FER1L6: variants seen among roughly 807,000 people sequenced by gnomAD.
The protein encoded by FER1L6 is fer-1 like family member 6.
In FER1L6, 177 loss-of-function variants were observed where a neutral mutation model predicts 219.2. The observed-to-expected ratio is 0.81, with a 90% CI of 0.71 to 0.91. FER1L6 has a LOEUF of 0.91. FER1L6 is among the 40% of genes least tolerant of loss of function. The pLI is 0.00. For synonymous variants in FER1L6, 768 were observed against 824.3 expected (o/e 0.93, Z 1.17); for missense variants, 2,153 against 2,259.9 (o/e 0.95, Z 0.96).
intron 39 of FER1L6, among the ~76,000 whole-genome samples, chr8:124,114,379 A>C (rs1823146190): frequency 6.6e-6 from 1 of 152,244 alleles, no homozygotes; most frequent in East Asian, 1.9e-4. Context: ...TTTAACAAAT[A>C]TGTTGTAAGC....
chr8:124,103,279 G>C lies in FER1L6; in HGVS notation c.5259G>C (p.Trp1753Cys). Residue 1753 changes from tryptophan (W) to cysteine (C), a missense_variant, in exon 39 of 41, where the codon TGG becomes TGC. Physicochemically the swap from Trp to Cys is radical, Grantham distance 215. Coordinates refer to ENST00000522917, the MANE Select transcript of FER1L6 (RefSeq NM_001039112.2). ...SIFQQKRVRG[W>C]WPFSKSKELT... Reference sequence around the variant, plus strand: ...TCCAGCAAAAACGTGTGCGTGGCTGGTGGCCTTTTTCTAAAAGCAAAGAAC... The same window carrying C: ...TCCAGCAAAAACGTGTGCGTGGCTGCTGGCCTTTTTCTAAAAGCAAAGAAC... The C allele has an allele frequency of 1.2e-6, 2 of 1,614,008 alleles. No homozygotes were observed. The highest frequency in any genetic ancestry group is 1.7e-6 in the Non-Finnish European group (2 of 1,179,972).
At chr8:123,985,724 A>C (rs546651958) in intron 11 of FER1L6, 1 of 189,202 alleles carries the variant, frequency 5.3e-6, no homozygotes, top group East Asian at 1.4e-4. Context: ...GTTTTCTGAA[A>C]CCCCAATCTC....
chr8:124,102,867 C>T (rs575354845), intron 38 of FER1L6, among the ~76,000 whole-genome samples: 1 of 152,310 alleles, frequency 6.6e-6, no homozygotes, highest in East Asian at 1.9e-4. Context: ...AAGCTACCTG[C>T]AGCTGAGGCT....
At chr8:124,076,470 C>A in intron 32 of FER1L6, 145 bp downstream of exon 32, 2 of 767,530 alleles carry the variant, frequency 2.6e-6, no homozygotes, top group Non-Finnish European at 4.3e-6. Context: ...TGGTAATAAC[C>A]AACCAAACCT....
intron 1 of FER1L6, among the ~76,000 whole-genome samples, chr8:123,942,457 C>A (rs962689172): frequency 6.6e-6 from 1 of 152,224 alleles, no homozygotes; most frequent in African/African-American, 2.4e-5. Context: ...TGGCCATGTG[C>A]CACAAACATG....
chr8:123,894,278 C>T (rs1431193769), intron 1 of FER1L6, among the ~76,000 whole-genome samples: 13 of 152,168 alleles, frequency 8.5e-5, no homozygotes, highest in Non-Finnish European at 1.3e-4. Flanking sequence ...ATTTTCCCAT[C>T]GTAGTTACAT....
chr8:124,063,751 T>TG (rs556870456), intron 25 of FER1L6, among the ~76,000 whole-genome samples: 160 of 152,292 alleles, frequency 1.1e-3, no homozygotes, highest in African/African-American at 3.7e-3. Context: ...GTGGCAGCCA[T>TG]GGGGGTACCG....
intron 1 of FER1L6, among the ~76,000 whole-genome samples, chr8:123,872,703 A>C (rs118190015): frequency 1.3e-5 from 2 of 152,156 alleles, no homozygotes; most frequent in African/African-American, 2.4e-5. Context: ...TCTAAAAAAA[A>C]CTTATATTTA....
At chr8:123,890,649 T>TA (rs1554612336) in intron 1 of FER1L6, among the ~76,000 whole-genome samples, 7 of 146,834 alleles carry the variant, frequency 4.8e-5, no homozygotes, top group African/African-American at 1.0e-4. Flanking sequence ...TTTTTTTTTT[T>TA]ACCTCTGATG....
At chr8:124,027,487 ATTGCTGTAATTTTGTCC>A (rs1308667652) in intron 18 of FER1L6, among the ~76,000 whole-genome samples, 1 of 152,188 alleles carries the variant, frequency 6.6e-6, no homozygotes, top group Non-Finnish European at 1.5e-5. Flanking sequence ...CCCAGAGGAC[ATTGCTGTAATTTTGTCC>A]CCCTCATATC....
At position 123,852,807 on chromosome 8, in the gene FER1L6, G is replaced by A. The variant is rs149502229; in HGVS notation, c.-8+622G>A. ...AGCATTACTATTAACTAAGCTCCACGCTTTATTTGGATTTCACAAGTTTTT... is the reference window on the plus strand; with the variant it reads ...AGCATTACTATTAACTAAGCTCCACACTTTATTTGGATTTCACAAGTTTTT... On this transcript the variant is annotated intron_variant, in intron 1 of 40. Transcript: ENST00000522917. The surrounding 1 kb of genome is among the most constrained non-coding windows in gnomAD (Gnocchi z 4.9). 1.1e-3 allele frequency among the ~76,000 whole-genome samples: 170 copies of A among 152,138 alleles called. No individual in the cohort carries two copies. Among genetic ancestry groups the A allele is most frequent in the African/African-American group, 4.0e-3 (165 of 41,514 alleles).
chr8:123,974,627 C>T (rs552730892), intron 7 of FER1L6, among the ~76,000 whole-genome samples: 14 of 123,090 alleles, frequency 1.1e-4, no homozygotes, highest in Middle Eastern at 5.4e-3. Context: ...TACCATTGCT[C>T]TCCAGCCAGG....
At chr8:124,027,005 G>A (rs1818737398) in intron 18 of FER1L6, among the ~76,000 whole-genome samples, 1 of 152,128 alleles carries the variant, frequency 6.6e-6, no homozygotes, top group South Asian at 2.1e-4. Flanking sequence ...GCTTCTGGTT[G>A]GTTCCATGGC....
intron 40 of FER1L6, 115 bp downstream of exon 40, chr8:124,119,059 G>A (rs780374643): frequency 9.7e-6 from 8 of 821,404 alleles, no homozygotes; most frequent in Non-Finnish European, 1.6e-5. Context: ...TGGGAAGCCA[G>A]GAGGCAGTCA....
chr8:124,054,943 G>T (rs1442952399), intron 22 of FER1L6, among the ~76,000 whole-genome samples: 1 of 152,184 alleles, frequency 6.6e-6, no homozygotes, highest in Non-Finnish European at 1.5e-5. Context: ...AAGCAGAAAG[G>T]CCCGTTGGGA....
chr8:124,037,020 T>C (rs536483189), intron 19 of FER1L6, among the ~76,000 whole-genome samples: 1 of 152,316 alleles, frequency 6.6e-6, no homozygotes, highest in South Asian at 2.1e-4. Flanking sequence ...GACACATCTC[T>C]CATAACCACA....
chr8:123,986,876 C>G (rs1372914379), intron 12 of FER1L6, among the ~76,000 whole-genome samples: 1 of 152,152 alleles, frequency 6.6e-6, no homozygotes, highest in African/African-American at 2.4e-5. Flanking sequence ...GAATAGTACT[C>G]CATTGTGTAT....
At chr8:123,977,387 T>C in intron 9 of FER1L6, 30 bp from the exon 10 acceptor site, 1 of 1,599,226 alleles carries the variant, frequency 6.3e-7, no homozygotes, top group Non-Finnish European at 8.5e-7. Flanking sequence ...GTCCCTTCCA[T>C]GACTCATGTC....
intron 1 of FER1L6, among the ~76,000 whole-genome samples, chr8:123,935,969 C>G (rs372601530): frequency 6.7e-6 from 1 of 150,166 alleles, no homozygotes; most frequent in South Asian, 2.1e-4. Context: ...AAAATCAAAT[C>G]TGAAAATGTT....
Sources: allele counts gnomAD v4.1 joint callset (sites outside exome capture counted in the v4.1 genomes callset), GRCh38; gene constraint gnomAD v4.1.1; non-coding constraint Gnocchi (gnomAD v3.1); transcripts MANE v1.5; gene names NCBI Gene and HGNC (gene_info 2026-07-23, HGNC 2026-07-21).